ANKRD12: variants seen among roughly 807,000 people sequenced by gnomAD.
ANKRD12 encodes ankyrin repeat domain-containing protein 12.
ANKRD12 carries 85 observed loss-of-function variants against 183.4 expected under a neutral mutation model. The ratio of observed to expected loss-of-function variants is 0.46; its 90% CI spans 0.39 to 0.56. The LOEUF (loss-of-function observed/expected upper bound fraction) is 0.56. Ranked by LOEUF, ANKRD12 falls within the 20% of genes least tolerant of loss-of-function variation. The probability of loss-of-function intolerance (pLI) is 0.00; values close to 1 mark genes in which losing one functional copy is unlikely to be tolerated. For missense variants in ANKRD12, 2,405 were observed against 2,357.1 expected, an observed-to-expected ratio of 1.02 and a Z score of -0.42; for synonymous variants, 914 against 800.2, an observed-to-expected ratio of 1.14 and a Z score of -2.40.
chr18:9,137,224 C>CCCG (rs2078135674), intron 1 of ANKRD12: 2 of 149,316 alleles, frequency 1.3e-5, no homozygotes, highest in South Asian at 2.1e-4. Context: ...CGGGGCCCCG[C>CCCG]CCGCCGCCGC....
chr18:9,243,679 A>C (rs1004652980), intron 8 of ANKRD12, among the ~76,000 whole-genome samples: 1 of 152,370 alleles, frequency 6.6e-6, no homozygotes, highest in Non-Finnish European at 1.5e-5. Context: ...GTCAAGGACT[A>C]AAGAATAGAC....
chr18:9,254,195 C>G lies in ANKRD12; in HGVS notation c.944-16C>G. 1 of 1,476,718 alleles carries G rather than the reference C, an allele frequency of 6.8e-7. No individual in the cohort carries two copies. The highest frequency in any genetic ancestry group is 9.0e-7 in the Non-Finnish European group (1 of 1,116,786). The allele number at this position is 1,476,718 out of a possible 1,614,324, so 91.5% of individuals were successfully genotyped here. A position where few individuals can be genotyped will look rare whatever the true frequency, so the allele number is the denominator to read the frequency against. On this transcript the variant is annotated splice_polypyrimidine_tract_variant and intron_variant, in intron 8 of 12. Coordinates refer to ENST00000262126, the MANE Select transcript of ANKRD12 (RefSeq NM_015208.5). ...TTTTGTTTGACCCACACCACATTTT[C>G]TTTTTTTTATTCTAGATTCCGAAGA...
At chr18:9,206,828 A>G (rs2035515227) in intron 4 of ANKRD12, among the ~76,000 whole-genome samples, 1 of 152,008 alleles carries the variant, frequency 6.6e-6, no homozygotes, top group South Asian at 2.1e-4. Flanking sequence ...TGGCTTTTTT[A>G]AAACCTTGTG....
At chr18:9,157,056 A>AT (rs1278803747) in intron 1 of ANKRD12, among the ~76,000 whole-genome samples, 1 of 152,202 alleles carries the variant, frequency 6.6e-6, no homozygotes, top group African/African-American at 2.4e-5. Context: ...GGTAGTGATG[A>AT]TTGCATGACA....
At chr18:9,147,836 G>C (rs2078545037) in intron 1 of ANKRD12, among the ~76,000 whole-genome samples, 1 of 152,160 alleles carries the variant, frequency 6.6e-6, no homozygotes, top group Non-Finnish European at 1.5e-5. Flanking sequence ...AGGAAGTGGT[G>C]AATTGCCAAC....
At chr18:9,153,611 A>C (rs550716916) in intron 1 of ANKRD12, among the ~76,000 whole-genome samples, 1 of 152,188 alleles carries the variant, frequency 6.6e-6, no homozygotes, top group African/African-American at 2.4e-5. Context: ...TTTGGGGGAA[A>C]TTACTGGTCA....
rs763424219 is a variant in ANKRD12, at chr18:9,263,836, G to A, written c.5711G>A (p.Arg1904Gln). ...SLSDPLKELF[R>Q]QQEVVRMKLR... Reference sequence around the variant, plus strand: ...TCAGATCCACTTAAAGAGCTTTTTCGACAACAGGAAGTTGTAAGGATGAAA... The same window carrying A: ...TCAGATCCACTTAAAGAGCTTTTTCAACAACAGGAAGTTGTAAGGATGAAA... The change falls in exon 10 of 13, where the codon CGA (arginine) becomes CAA (glutamine). Residue 1904 changes from arginine to glutamine, a missense_variant. Coordinates refer to ENST00000262126, the MANE Select transcript of ANKRD12 (RefSeq NM_015208.5). The A allele has an allele frequency of 2.6e-5, 41 of 1,561,120 alleles. No homozygotes were observed. Among genetic ancestry groups the A allele is most frequent in the Middle Eastern group, 1.7e-4 (1 of 5,940 alleles).
intron 2 of ANKRD12, among the ~76,000 whole-genome samples, chr18:9,190,510 A>C (rs1193130824): frequency 6.6e-6 from 1 of 152,248 alleles, no homozygotes; most frequent in East Asian, 1.9e-4. Flanking sequence ...GATTGACTCC[A>C]ATTTGAAAAG....
In ANKRD12 at chr18:9,255,958, TGAC is replaced by T. The variant is rs1567974447; in HGVS notation, c.2695_2697del (p.Asp899del). On this transcript the variant is annotated inframe_deletion, in exon 9 of 13. Transcript: ENST00000262126. ...AAAATACTGCTGCTATTAAAAAAAC[TGAC>T]GACAGAGAGAAAAGTAGAGAAAAGA... The T allele has an allele frequency of 6.4e-7, 1 of 1,568,576 alleles. No individual in the cohort carries two copies. Among genetic ancestry groups the T allele is most frequent in the Non-Finnish European group, 8.6e-7 (1 of 1,165,560 alleles).
chr18:9,161,407 G>A lies in ANKRD12; in HGVS notation c.-51-20975G>A, dbSNP rs184579508. 1.9e-4 allele frequency among the ~76,000 whole-genome samples: 28 copies of A among 150,098 alleles called. No individual in the cohort carries two copies. The East Asian group carries it at 4.3e-3, about 23-fold the overall frequency. ...TATTATTTTTTTGAGACAGAGTCTC[G>A]CTCTGTCACCCAGGCTGGAGTGCAG... On this transcript the variant is annotated intron_variant, in intron 1 of 12. Coordinates refer to ENST00000262126, the MANE Select transcript of ANKRD12 (RefSeq NM_015208.5).
chr18:9,165,423 T>C (rs934745739), intron 1 of ANKRD12, among the ~76,000 whole-genome samples: 2 of 152,176 alleles, frequency 1.3e-5, no homozygotes, highest in African/African-American at 2.4e-5. Flanking sequence ...TACATTCACA[T>C]TGTCATGCAA....
rs2038476148 is a variant in ANKRD12, at chr18:9,254,371, TGAA to T, written c.1108_1110del (p.Glu370del). On this transcript the variant is annotated inframe_deletion, in exon 9 of 13. Coordinates refer to ENST00000262126, the MANE Select transcript of ANKRD12 (RefSeq NM_015208.5). Reference sequence around the variant, plus strand: ...AGTATGAGTTCAAAGATGATGATGATGAAGAAATTAATAAGATGATTGATGATA... The same window carrying T: ...AGTATGAGTTCAAAGATGATGATGATGAAATTAATAAGATGATTGATGATA... 2 of 1,609,724 alleles carry T rather than the reference TGAA, an allele frequency of 1.2e-6. No homozygotes were observed. Among genetic ancestry groups the T allele is most frequent in the South Asian group, 1.1e-5 (1 of 89,772 alleles).
chr18:9,225,092 A>T (rs1397713571), intron 8 of ANKRD12, among the ~76,000 whole-genome samples: 1 of 151,934 alleles, frequency 6.6e-6, no homozygotes, highest in African/African-American at 2.4e-5. Context: ...GAGACAACAG[A>T]TGGAAATAAA....
chr18:9,218,034 A>G (rs969923395), intron 7 of ANKRD12, among the ~76,000 whole-genome samples: 2 of 152,224 alleles, frequency 1.3e-5, no homozygotes, highest in South Asian at 2.1e-4. Context: ...TCTGGCTTTG[A>G]TATTTTAAAT....
intron 1 of ANKRD12, among the ~76,000 whole-genome samples, chr18:9,150,526 T>G (rs1244925879): frequency 6.6e-6 from 1 of 152,234 alleles, no homozygotes. Context: ...GAACATTGTT[T>G]TAAGGACATT....
At chr18:9,170,487 C>T (rs2143964866) in intron 1 of ANKRD12, among the ~76,000 whole-genome samples, 1 of 152,300 alleles carries the variant, frequency 6.6e-6, no homozygotes, top group African/African-American at 2.4e-5. Context: ...CCCTTTCTTC[C>T]AGTTGATCGC....
At chr18:9,179,078 T>C (rs1475375378) in intron 1 of ANKRD12, among the ~76,000 whole-genome samples, 1 of 152,212 alleles carries the variant, frequency 6.6e-6, no homozygotes, top group Non-Finnish European at 1.5e-5. Flanking sequence ...TAATTTCTAA[T>C]TGCTTATTGC....
chr18:9,219,854 C>T (rs1423786517), intron 7 of ANKRD12, among the ~76,000 whole-genome samples: 2 of 152,046 alleles, frequency 1.3e-5, no homozygotes, highest in Non-Finnish European at 2.9e-5. Context: ...GGTTTTTTAG[C>T]TCTCACATCC....
At chr18:9,242,993 A>ACT (rs2037749678) in intron 8 of ANKRD12, among the ~76,000 whole-genome samples, 1 of 152,206 alleles carries the variant, frequency 6.6e-6, no homozygotes, top group Non-Finnish European at 1.5e-5. Flanking sequence ...TGAAATTTAG[A>ACT]AATGGAAATT....
Sources: gnomAD v4.1 joint callset for allele counts (sites outside exome capture counted in the v4.1 genomes callset) on GRCh38, gnomAD v4.1.1 for gene constraint, MANE v1.5 for transcripts, NCBI Gene and HGNC (gene_info 2026-07-23, HGNC 2026-07-21) for gene names.